Variants in TDRD9 observed in about 807,000 individuals in gnomAD.
TDRD9 encodes the protein tudor domain containing 9.
In TDRD9, 124 loss-of-function variants were observed where a neutral mutation model predicts 172.6. The observed-to-expected ratio is 0.72, with a 90% CI of 0.62 to 0.83. The LOEUF (loss-of-function observed/expected upper bound fraction) is 0.83. Among genes scored for constraint, TDRD9 ranks in the 40% least tolerant of loss-of-function variants. The pLI is 0.00. For synonymous variants in TDRD9, 619 were observed against 617.1 expected (o/e 1.00, Z -0.05); for missense variants, 1,479 against 1,714.1 (o/e 0.86, Z 2.42).
At position 104,022,305 on chromosome 14, in the gene TDRD9, A is replaced by C. The variant is rs757518260; in HGVS notation, c.2581A>C (p.Asn861His). ...EEIEGKVQGMNVSKLRNTRVN... is the reference protein window; with the variant it reads ...EEIEGKVQGMHVSKLRNTRVN... ...AATTGAAGGGAAGGTGCAAGGCATG[A>C]ACGTCTCAAAGCTCAGGAACACAAG... is the stretch of plus-strand genomic sequence containing the variant. The change falls in exon 24 of 36, where the codon AAC (asparagine) becomes CAC (histidine). Residue 861 changes from asparagine to histidine, a missense_variant. Asn to His is a moderately conservative substitution (Grantham distance 68). This residue lies in a region of TDRD9 where 1,413 missense variants were observed against 1,649.1 expected (regional missense o/e 0.86). Transcript: ENST00000409874. 6.2e-7 allele frequency: 1 copy of C among 1,613,520 alleles called. No homozygotes were observed. Among genetic ancestry groups the C allele is most frequent in the South Asian group, 1.1e-5 (1 of 90,834 alleles).
At chr14:104,001,030 G>A (rs2034243382) in intron 13 of TDRD9, among the ~76,000 whole-genome samples, 1 of 152,134 alleles carries the variant, frequency 6.6e-6, no homozygotes, top group Non-Finnish European at 1.5e-5. Context: ...TATAAGTACA[G>A]TCAACCAGGA....
chr14:103,977,609 A>G (rs1595938424), intron 7 of TDRD9, among the ~76,000 whole-genome samples: 1 of 140,838 alleles, frequency 7.1e-6, no homozygotes, highest in South Asian at 2.2e-4. Context: ...GTTTCCCCCC[A>G]TTCACTCAGT....
intron 1 of TDRD9, among the ~76,000 whole-genome samples, chr14:103,953,857 A>G (rs2032068792): frequency 6.6e-6 from 1 of 152,162 alleles, no homozygotes; most frequent in African/African-American, 2.4e-5. Context: ...GGACTCGGTA[A>G]TGCCCATCCA....
intron 34 of TDRD9, among the ~76,000 whole-genome samples, chr14:104,042,868 A>G (rs565324807): frequency 2.0e-5 from 3 of 152,232 alleles, no homozygotes; most frequent in African/African-American, 7.2e-5. Context: ...ATCTGGTATC[A>G]CGGTGACACT....
At chr14:103,995,571 C>T (rs965207754) in intron 11 of TDRD9, among the ~76,000 whole-genome samples, 179 bp from the exon 12 acceptor site, 2 of 152,192 alleles carry the variant, frequency 1.3e-5, no homozygotes, top group African/African-American at 4.8e-5. Flanking sequence ...GGTTTCCATT[C>T]ATCAGGGGCT....
At chr14:104,015,660 G>T (rs1374806166) in intron 21 of TDRD9, among the ~76,000 whole-genome samples, 1 of 152,194 alleles carries the variant, frequency 6.6e-6, no homozygotes, top group Non-Finnish European at 1.5e-5. Context: ...CCGACCTTGG[G>T]GCTTTGTGTG....
chr14:104,052,131 C>G lies in TDRD9; in HGVS notation c.*49C>G. The G allele has an allele frequency of 2.2e-6, 3 of 1,381,836 alleles. No homozygotes were observed. Among genetic ancestry groups the G allele is most frequent in the Non-Finnish European group, 3.0e-6 (3 of 995,530 alleles). The allele number at this position is 1,381,836 out of a possible 1,614,324, so 85.6% of individuals were successfully genotyped here. On this transcript the variant is annotated 3_prime_UTR_variant, in exon 36 of 36. Transcript: ENST00000409874. Reference sequence around the variant, plus strand: ...CACACCCCTCAGGAAGCTGTGGAGGCTGGATTCCAGGCTCCCTCCGCAGAC... The same window carrying G: ...CACACCCCTCAGGAAGCTGTGGAGGGTGGATTCCAGGCTCCCTCCGCAGAC...
At chr14:103,996,615 C>T (rs1345997871) in intron 12 of TDRD9, among the ~76,000 whole-genome samples, 2 of 152,052 alleles carry the variant, frequency 1.3e-5, no homozygotes, top group Admixed American at 1.3e-4. Context: ...TGAGGAGCAG[C>T]ACACGGCCAG....
chr14:104,030,141 A>G (rs1460671477), intron 28 of TDRD9, among the ~76,000 whole-genome samples: 1 of 152,192 alleles, frequency 6.6e-6, no homozygotes, highest in Admixed American at 6.5e-5. Context: ...CATACAAAAA[A>G]GTCCTGTAAA....
At chr14:103,983,056 CT>C (rs397853010) in intron 7 of TDRD9, among the ~76,000 whole-genome samples, 15,475 of 87,698 alleles carry the variant, frequency 0.18, 522 homozygotes, top group South Asian at 0.28. Flanking sequence ...CTGTGGGTCA[CT>C]TTTTTTTTTT....
intron 2 of TDRD9, 91 bp downstream of exon 2, chr14:103,955,861 G>C: frequency 9.0e-7 from 1 of 1,114,516 alleles, no homozygotes; most frequent in Non-Finnish European, 1.3e-6. Context: ...TGTAATTCCA[G>C]CTACTCAGGA....
intron 1 of TDRD9, among the ~76,000 whole-genome samples, chr14:103,931,772 A>G (rs1287157200): frequency 1.3e-5 from 2 of 152,226 alleles, no homozygotes; most frequent in African/African-American, 4.8e-5. Flanking sequence ...GATTAGCTAG[A>G]TTGTCTGAGT....
chr14:104,002,884 C>T (rs1044135387), intron 13 of TDRD9, among the ~76,000 whole-genome samples: 15 of 151,994 alleles, frequency 9.9e-5, no homozygotes, highest in Non-Finnish European at 7.4e-5. Context: ...GCGCGCACCC[C>T]TATGCCTGTC....
At chr14:104,042,291 A>T in intron 34 of TDRD9, 104 bp downstream of exon 34, 1 of 781,992 alleles carries the variant, frequency 1.3e-6, no homozygotes, top group Non-Finnish European at 2.2e-6. Flanking sequence ...CATATTGATC[A>T]CCTGAAGTGG....
intron 20 of TDRD9, among the ~76,000 whole-genome samples, chr14:104,014,285 CTT>C (rs977891365): frequency 2.1e-5 from 3 of 141,298 alleles, no homozygotes; most frequent in African/African-American, 5.2e-5. Flanking sequence ...GAGATTATTT[CTT>C]TTTTTTTTTG....
intron 1 of TDRD9, chr14:103,940,455 T>C (rs1187447): frequency 0.96 from 171,559 of 177,872 alleles, 83,055 homozygotes; most frequent in East Asian, 1. Flanking sequence ...TAATTCTATA[T>C]GTAGCTTCAT....
intron 1 of TDRD9, among the ~76,000 whole-genome samples, chr14:103,953,361 G>C (rs2032041978): frequency 6.6e-6 from 1 of 150,998 alleles, no homozygotes; most frequent in Non-Finnish European, 1.5e-5. Flanking sequence ...GTGAATTAAT[G>C]AGTAAATGTC....
chr14:104,023,250 G>GTGA (rs1157253340), intron 24 of TDRD9, among the ~76,000 whole-genome samples: 1 of 149,228 alleles, frequency 6.7e-6, no homozygotes, highest in Non-Finnish European at 1.5e-5. Flanking sequence ...AGAGGATTGA[G>GTGA]TGATATCATT....
At chr14:103,968,804 A>AAAAAAAAAAAAAAAG (rs1555366387) in intron 5 of TDRD9, among the ~76,000 whole-genome samples, 2 of 123,520 alleles carry the variant, frequency 1.6e-5, no homozygotes, top group Non-Finnish European at 1.7e-5. Context: ...TCAAAAAAAA[A>AAAAAAAAAAAAAAAG]GAATAAAGTA....
Sources: gnomAD v4.1 joint callset for allele counts (sites outside exome capture counted in the v4.1 genomes callset) on GRCh38, gnomAD v4.1.1 for gene constraint, gnomAD v4.1.1 regional missense constraint, MANE v1.5 for transcripts, NCBI Gene and HGNC (gene_info 2026-07-23, HGNC 2026-07-21) for gene names.